DET1: variants seen among roughly 807,000 people sequenced by gnomAD.
DET1 encodes the protein DET1 homolog.
In DET1, 22 loss-of-function variants were observed where a neutral mutation model predicts 43.7. That is an observed-to-expected ratio of 0.50 (90% CI 0.36 to 0.72). The LOEUF (loss-of-function observed/expected upper bound fraction) is 0.72, where lower values mean the gene tolerates loss of function less well. Ranked by LOEUF, DET1 falls within the 30% of genes least tolerant of loss-of-function variation. The pLI is 0.00. For missense variants in DET1, 713 were observed against 713.3 expected, an observed-to-expected ratio of 1.00 and a Z score of 0.00; for synonymous variants, 315 against 266.2, an observed-to-expected ratio of 1.18 and a Z score of -1.79.
In DET1 at chr15:88,527,600, G is replaced by A. The variant is rs752634307; in HGVS notation, c.1270C>T (p.Arg424Trp). The A allele has an allele frequency of 8.8e-6, 14 of 1,595,308 alleles. No homozygotes were observed. The highest frequency in any genetic ancestry group is 1.7e-5 in the Admixed American group (1 of 57,568). The change falls in exon 3 of 5, where the codon CGG becomes TGG. Residue 424 changes from arginine (R) to tryptophan (W), a missense_variant and splice_region_variant. Transcript: ENST00000268148. ...GTTGAGTCTGGTGGAACAGCTTACCGGCGCTGGATCTGCCTTGCAAAATTG... is the reference window on the plus strand; with the variant it reads ...GTTGAGTCTGGTGGAACAGCTTACCAGCGCTGGATCTGCCTTGCAAAATTG... ...SNNFARQIQR[R>W]FKDTIINAKY...
intron 1 of DET1, among the ~76,000 whole-genome samples, chr15:88,541,930 C>G (rs570311618): frequency 6.6e-6 from 1 of 152,166 alleles, no homozygotes; most frequent in Non-Finnish European, 1.5e-5. Flanking sequence ...GCTGTGACCG[C>G]GCTGGGAGGA....
intron 3 of DET1, among the ~76,000 whole-genome samples, chr15:88,518,553 T>C (rs1277572960): frequency 1.3e-5 from 2 of 152,218 alleles, no homozygotes; most frequent in East Asian, 1.9e-4. Flanking sequence ...AAAATGTTAA[T>C]AGTTGTATAA....
Position 88,513,095 on chromosome 15 carries a change from C to A in DET1, c.1509G>T (p.Ala503=), listed in dbSNP as rs768608942. The change falls in exon 5 of 5, where the codon GCG becomes GCT. Residue 503 remains alanine (A), a synonymous_variant. Transcript: ENST00000268148. ...GGTTGATGGGGCGGCCCAATAACCC[C>A]GCCTGGATCTCAAACTTGAGCAGGC... ...DSGLLKFEIQ[A]GLLGRPINHT... The A allele has an allele frequency of 6.2e-7, 1 of 1,613,810 alleles. No individual in the cohort carries two copies.
intron 8 of DET1, chr15:88,503,675 A>G (rs1406852985): frequency 6.6e-6 from 1 of 152,222 alleles, no homozygotes; most frequent in Non-Finnish European, 1.5e-5. Context: ...ATTGCTACAC[A>G]ACAAATTACC....
chr15:88,516,773 A>G lies in DET1; in HGVS notation c.1463+9T>C, dbSNP rs1248463238. 6.5e-7 allele frequency: 1 copy of G among 1,544,178 alleles called. No individual in the cohort carries two copies. Among genetic ancestry groups the G allele is most frequent in the Non-Finnish European group, 8.7e-7 (1 of 1,150,748 alleles). ...TGAGCAGTTTGTAGCTATAGCAGTG[A>G]CACTGTACCTGATTGGGTGATCTCC... On this transcript the variant is annotated intron_variant, in intron 4 of 4. Coordinates refer to ENST00000268148, the MANE Select transcript of DET1 (RefSeq NM_001144074.3). The surrounding 1 kb of genome is among the most constrained non-coding windows in gnomAD (Gnocchi z 4.4).
chr15:88,545,489 C>T (rs537905654), intron 1 of DET1, among the ~76,000 whole-genome samples: 7 of 152,116 alleles, frequency 4.6e-5, no homozygotes, highest in African/African-American at 1.2e-4. Context: ...AATAACATCC[C>T]CTGGTATCAA....
intron 2 of DET1, 58 bp from the exon 3 acceptor site, chr15:88,527,844 A>C (rs1420366805): frequency 7.7e-7 from 1 of 1,292,938 alleles, no homozygotes; most frequent in Non-Finnish European, 1.0e-6. Context: ...ATGCGTAGGA[A>C]ACTTAGCACT....
In DET1 at chr15:88,515,324, G is replaced by A. The variant is rs141001477; in HGVS notation, c.1463+1458C>T. ...GGAGGCTGAGGTGGGTGGATCACCT[G>A]AGGTCAAGATTTCGAGGCCAGCCTG... On this transcript the variant is annotated intron_variant, in intron 4 of 4. Transcript: ENST00000268148. Among the ~76,000 whole-genome samples the A allele has an allele frequency of 7.1e-3, 1,077 of 152,078 alleles. 14 individuals carry two copies. Among genetic ancestry groups the A allele is most frequent in the African/African-American group, 0.022 (927 of 41,488 alleles).
chr15:88,522,512 G>GGTTTTTTTTTTTTT (rs2056519836), intron 3 of DET1, among the ~76,000 whole-genome samples: 2 of 80,258 alleles, frequency 2.5e-5, no homozygotes, highest in South Asian at 5.8e-4. Context: ...AATGTTCCTG[G>GGTTTTTTTTTTTTT]TTTTTTTTTT....
Position 88,531,683 on chromosome 15 carries a change from A to G in DET1, c.23T>C (p.Ile8Thr), listed in dbSNP as rs776089887. 6.2e-7 allele frequency: 1 copy of G among 1,610,172 alleles called. No individual in the cohort carries two copies. The highest frequency in any genetic ancestry group is 1.1e-5 in the South Asian group (1 of 91,060). MDHHVST[I>T]KPRRIQNQNV... ...TTGGTTTTGGATTCTTCGAGGCTTG[A>G]TGGTAGAAACATGATGATCCATTAT... Residue 8 changes from isoleucine (I) to threonine (T), a missense_variant, in exon 2 of 5, where the codon ATC becomes ACC. Transcript: ENST00000268148. The surrounding 1 kb of genome is among the most constrained non-coding windows in gnomAD (Gnocchi z 6.2).
intron 4 of DET1, among the ~76,000 whole-genome samples, chr15:88,514,835 AAAG>A (rs2056297068): frequency 6.6e-6 from 1 of 152,222 alleles, no homozygotes. Context: ...TTAAAAATAT[AAAG>A]AAGAATTATA....
intron 3 of DET1, among the ~76,000 whole-genome samples, chr15:88,523,156 A>G (rs952759730): frequency 6.6e-6 from 1 of 152,144 alleles, no homozygotes; most frequent in Admixed American, 6.5e-5. Flanking sequence ...GATAAAAGGC[A>G]TAAGCCACCA....
At chr15:88,508,057 G>T (rs187187473), downstream of DET1, among the ~76,000 whole-genome samples, 8 of 152,172 alleles carry the variant, frequency 5.3e-5, no homozygotes, top group Non-Finnish European at 7.3e-5. Flanking sequence ...TAGGTTGTGC[G>T]CTCCTTATGA....
intron 2 of DET1, among the ~76,000 whole-genome samples, chr15:88,529,267 C>T (rs778055393): frequency 6.6e-6 from 1 of 152,190 alleles, no homozygotes; most frequent in South Asian, 2.1e-4. Context: ...ACACTTTGAT[C>T]CTATCAGGGT....
intron 4 of DET1, among the ~76,000 whole-genome samples, chr15:88,513,925 G>A (rs901728480): frequency 2.8e-5 from 4 of 142,590 alleles, no homozygotes; most frequent in East Asian, 2.1e-4. Flanking sequence ...TCAGCCTCCC[G>A]AGTAGCTGGG....
At chr15:88,527,078 T>C (rs1486818446) in intron 3 of DET1, among the ~76,000 whole-genome samples, 5 of 152,206 alleles carry the variant, frequency 3.3e-5, no homozygotes, top group Admixed American at 2.6e-4. Context: ...CACTGGCTTT[T>C]CAGCTTTTAA....
At chr15:88,528,158 G>A (rs541733611) in intron 2 of DET1, among the ~76,000 whole-genome samples, 3 of 152,142 alleles carry the variant, frequency 2.0e-5, no homozygotes, top group South Asian at 2.1e-4. Context: ...TTCCCTACTC[G>A]CTCCCCAACC....
intron 3 of DET1, among the ~76,000 whole-genome samples, chr15:88,517,380 C>T (rs2056375139): frequency 6.6e-6 from 1 of 151,964 alleles, no homozygotes; most frequent in South Asian, 2.1e-4. Flanking sequence ...CACGTGCCAC[C>T]ACACCCAGCT....
At chr15:88,544,234 T>C (rs1289508136) in intron 1 of DET1, among the ~76,000 whole-genome samples, 1 of 152,116 alleles carries the variant, frequency 6.6e-6, no homozygotes, top group Non-Finnish European at 1.5e-5. Flanking sequence ...TCTGGGCAGG[T>C]AGAACACATG....
Sources: gnomAD v4.1 joint callset for allele counts (sites outside exome capture counted in the v4.1 genomes callset) on GRCh38, gnomAD v4.1.1 for gene constraint, Gnocchi (gnomAD v3.1) non-coding constraint, MANE v1.5 for transcripts, NCBI Gene and HGNC (gene_info 2026-07-23, HGNC 2026-07-21) for gene names.